The following PTPRD variants were observed in gnomAD, a reference collection of about 807,000 sequenced individuals.
PTPRD encodes receptor-type tyrosine-protein phosphatase delta.
A neutral mutation model predicts 214.5 loss-of-function variants in PTPRD; 34 were observed. That is an observed-to-expected ratio of 0.16 (90% CI 0.12 to 0.21). The LOEUF is 0.21. Ranked by LOEUF, PTPRD falls within the 10% of genes least tolerant of loss-of-function variation. The pLI is 1.00. For synonymous variants in PTPRD, 1,128 were observed against 845.7 expected (o/e 1.33, Z -5.79); for missense variants, 2,545 against 2,398.7 (o/e 1.06, Z -1.27).
chr9:9,775,899 T>G (rs2098794638), intron 5 of PTPRD, among the ~76,000 whole-genome samples: 1 of 125,122 alleles, frequency 8.0e-6, no homozygotes, highest in African/African-American at 3.1e-5. Flanking sequence ...GAGCTTGCAG[T>G]GAGCCAAGAT....
At chr9:9,348,957 T>C (rs534853450) in intron 9 of PTPRD, among the ~76,000 whole-genome samples, 1 of 152,102 alleles carries the variant, frequency 6.6e-6, no homozygotes, top group Admixed American at 6.6e-5. Context: ...CCTATTTTAA[T>C]AGGAAGTAGT....
chr9:8,714,172 C>T (rs1304305756), intron 12 of PTPRD, among the ~76,000 whole-genome samples: 2 of 152,186 alleles, frequency 1.3e-5, no homozygotes, highest in African/African-American at 2.4e-5. Context: ...ACATCCATCA[C>T]TTCAGGAGAA....
intron 14 of PTPRD, among the ~76,000 whole-genome samples, chr9:8,588,651 G>A (rs2093859126): frequency 6.6e-6 from 1 of 151,924 alleles, no homozygotes; most frequent in African/African-American, 2.4e-5. Context: ...GAACTCACAG[G>A]CATGTGTACA....
chr9:9,245,578 T>C (rs201402537), intron 9 of PTPRD, among the ~76,000 whole-genome samples: 5 of 151,598 alleles, frequency 3.3e-5, no homozygotes, highest in Non-Finnish European at 7.4e-5. Context: ...ATGAGAACAC[T>C]TGGACACAGG....
At chr9:9,922,620 A>G (rs1475092893) in intron 5 of PTPRD, among the ~76,000 whole-genome samples, 1 of 152,110 alleles carries the variant, frequency 6.6e-6, no homozygotes, top group Non-Finnish European at 1.5e-5. Context: ...TGTTGGAGTG[A>G]GAAAACAGTA....
intron 4 of PTPRD, among the ~76,000 whole-genome samples, chr9:9,944,646 A>C (rs945094328): frequency 2.0e-5 from 3 of 152,244 alleles, no homozygotes; most frequent in Non-Finnish European, 4.4e-5. Flanking sequence ...CATGAAGAGC[A>C]AAGTCTAAGA....
chr9:8,921,205 TG>T (rs2098825635), intron 11 of PTPRD, among the ~76,000 whole-genome samples: 1 of 152,176 alleles, frequency 6.6e-6, no homozygotes, highest in Admixed American at 6.5e-5. Flanking sequence ...AGAAGATAGT[TG>T]TACATTCAAA....
chr9:10,330,337 A>G (rs571423325), intron 3 of PTPRD, among the ~76,000 whole-genome samples: 14 of 151,968 alleles, frequency 9.2e-5, no homozygotes, highest in Non-Finnish European at 2.1e-4. Flanking sequence ...GCAGTAACAA[A>G]GAGCAGAGAA....
At chr9:9,754,649 T>G (rs1366945581) in intron 6 of PTPRD, among the ~76,000 whole-genome samples, 4 of 152,146 alleles carry the variant, frequency 2.6e-5, no homozygotes, top group African/African-American at 9.6e-5. Context: ...ACTATATTGT[T>G]GAAATTACAT....
chr9:9,425,325 T>G (rs546303348), intron 8 of PTPRD, among the ~76,000 whole-genome samples: 16 of 150,624 alleles, frequency 1.1e-4, no homozygotes, highest in South Asian at 2.1e-4. Context: ...ACTTTGATGA[T>G]GGTGTGTAGT....
At position 8,748,775 on chromosome 9, in the gene PTPRD, G is replaced by A. The variant is rs192337731; in HGVS notation, c.-103-14829C>T. 9.1e-4 allele frequency among the ~76,000 whole-genome samples: 138 copies of A among 152,196 alleles called. 1 individual carries two copies. Among genetic ancestry groups the A allele is most frequent in the Non-Finnish European group, 1.6e-3 (106 of 68,014 alleles). On this transcript the variant is annotated intron_variant, in intron 11 of 45. Coordinates refer to ENST00000381196, the MANE Select transcript of PTPRD (RefSeq NM_002839.4). ...AAAAATACAAGATTAGCCAGGCATG[G>A]TGGCGCATGCCTGTAATCCCAGCTA...
At position 10,198,715 on chromosome 9, in the gene PTPRD, G is replaced by A. The variant is rs2099407688; in HGVS notation, c.-545+142248C>T. ...TACTTAATATCATACCTATTCTGCA[G>A]CAGATTAATAAGCCTTTTTAGTTCT... On this transcript the variant is annotated intron_variant, in intron 3 of 45. Transcript: ENST00000381196. Among the ~76,000 whole-genome samples the A allele has an allele frequency of 2.6e-5, 4 of 152,236 alleles. No homozygotes were observed. In the South Asian group the frequency reaches 8.3e-4, roughly 32 times the overall value.
chr9:8,607,364 G>A (rs919854317), intron 14 of PTPRD, among the ~76,000 whole-genome samples: 3 of 152,168 alleles, frequency 2.0e-5, no homozygotes, highest in African/African-American at 7.2e-5. Flanking sequence ...TAGGAATAGG[G>A]CCGGGTGCGG....
chr9:9,810,294 A>G (rs139237839), intron 5 of PTPRD, among the ~76,000 whole-genome samples: 8 of 152,260 alleles, frequency 5.3e-5, no homozygotes, highest in Non-Finnish European at 1.0e-4. Flanking sequence ...CTTTCAGTCA[A>G]TGTAGACAAA....
intron 14 of PTPRD, among the ~76,000 whole-genome samples, chr9:8,595,888 TAGGC>T (rs930528471): frequency 6.6e-6 from 1 of 152,198 alleles, no homozygotes; most frequent in African/African-American, 2.4e-5. Flanking sequence ...ATGTCTTCAG[TAGGC>T]TAGACACTTA....
chr9:8,618,525 A>T (rs192936804), intron 14 of PTPRD, among the ~76,000 whole-genome samples: 60 of 152,208 alleles, frequency 3.9e-4, no homozygotes, highest in Non-Finnish European at 7.1e-4. Flanking sequence ...AGATTCTCAG[A>T]CCAATGGTAT....
intron 8 of PTPRD, among the ~76,000 whole-genome samples, chr9:9,515,094 C>G (rs1245040926): frequency 6.6e-6 from 1 of 152,040 alleles, no homozygotes; most frequent in African/African-American, 2.4e-5. Context: ...ATTCAGGGAG[C>G]TAAAATCCTT....
At chr9:9,006,911 TA>T (rs2099473169) in intron 11 of PTPRD, among the ~76,000 whole-genome samples, 1 of 152,044 alleles carries the variant, frequency 6.6e-6, no homozygotes, top group South Asian at 2.1e-4. Flanking sequence ...TACAGCTAGA[TA>T]AATGTAGACA....
At chr9:8,633,492 G>C (rs2096320227) in intron 13 of PTPRD, 34 bp from the exon 14 acceptor site, 1 of 1,604,924 alleles carries the variant, frequency 6.2e-7, no homozygotes, top group Non-Finnish European at 8.5e-7. Context: ...CACAGGTGTT[G>C]TTACAATTGT....
Sources: allele counts gnomAD v4.1 joint callset (sites outside exome capture counted in the v4.1 genomes callset), GRCh38; gene constraint gnomAD v4.1.1; transcripts MANE v1.5; gene names NCBI Gene and HGNC (gene_info 2026-07-23, HGNC 2026-07-21).